The following CPLANE1 variants were observed in gnomAD, a reference collection of about 807,000 sequenced individuals.
The protein encoded by CPLANE1 is ciliogenesis and planar polarity effector complex subunit 1.
In CPLANE1, 263 loss-of-function variants were observed where a neutral mutation model predicts 362.5. The ratio of observed to expected loss-of-function variants is 0.73; its 90% CI spans 0.66 to 0.80. The LOEUF is 0.80. CPLANE1 is among the 30% of genes least tolerant of loss of function. The probability of loss-of-function intolerance (pLI) is 0.00; values close to 1 mark genes in which losing one functional copy is unlikely to be tolerated. For synonymous variants in CPLANE1, 1,212 were observed against 1,302.6 expected (o/e 0.93, Z 1.50); for missense variants, 3,461 against 3,793.4 (o/e 0.91, Z 2.30).
intron 44 of CPLANE1, chr5:37,141,486 G>A (rs1232418061): frequency 5.1e-6 from 5 of 984,240 alleles, no homozygotes; most frequent in Non-Finnish European, 6.0e-6. Context: ...AAACACACAT[G>A]GCATCTAGAA....
At chr5:37,171,356 G>A (rs183123218) in intron 32 of CPLANE1, among the ~76,000 whole-genome samples, 50 of 152,286 alleles carry the variant, frequency 3.3e-4, no homozygotes, top group Middle Eastern at 3.4e-3. Flanking sequence ...GGACTTGAAC[G>A]ACTGCTGATC....
Position 37,224,243 on chromosome 5 carries a change from A to G in CPLANE1, c.2581+10T>C, listed in dbSNP as rs1561655645. ...AATATTATGGCACATATTTTTTAAC[A>G]CTCTCTTACCTTTCTCTTCGATTTC... On this transcript the variant is annotated intron_variant, in intron 14 of 52. Transcript: ENST00000651892. 6.5e-7 allele frequency: 1 copy of G among 1,529,368 alleles called. No homozygotes were observed. The highest frequency in any genetic ancestry group is 1.2e-5 in the South Asian group (1 of 81,588). The allele number at this position is 1,529,368 out of a possible 1,614,324, so 94.7% of individuals were successfully genotyped here. A position where few individuals can be genotyped will look rare whatever the true frequency, so the allele number is the denominator to read the frequency against.
chr5:37,102,638 T>C (rs1757349161), downstream of CPLANE1, among the ~76,000 whole-genome samples: 1 of 152,242 alleles, frequency 6.6e-6, no homozygotes. Context: ...AAATAACTTC[T>C]TGACATCTGC....
At chr5:37,178,613 C>T (rs1347945051) in intron 29 of CPLANE1, among the ~76,000 whole-genome samples, 11 of 140,966 alleles carry the variant, frequency 7.8e-5, no homozygotes, top group Non-Finnish European at 1.4e-4. Context: ...ACCCTCATCT[C>T]GAAAAAAAAA....
rs975282355 is a variant in CPLANE1 at position 37,209,354 on chromosome 5, C to G, written c.2921-2929G>C. The G allele has an allele frequency of 6.1e-6, 6 of 986,198 alleles. No homozygotes were observed. Among genetic ancestry groups the G allele is most frequent in the Non-Finnish European group, 9.8e-6 (6 of 611,510 alleles). 61.1% of individuals were successfully genotyped at this position (986,198 alleles called of 1,614,324 possible). On this transcript the variant is annotated intron_variant, in intron 16 of 52. Coordinates refer to ENST00000651892, the MANE Select transcript of CPLANE1 (RefSeq NM_001384732.1). The surrounding 1 kb of genome is among the most constrained non-coding windows in gnomAD (Gnocchi z 4.6). ...CGAGCGAGGCGGGCTCCGGAGGAAG[C>G]TGACGGCTGATGATGGCTCAGTCCA...
chr5:37,121,565 C>T, intron 49 of CPLANE1, 52 bp downstream of exon 49: 1 of 1,544,576 alleles, frequency 6.5e-7, no homozygotes, highest in Admixed American at 1.7e-5. Flanking sequence ...TACATTTCTT[C>T]TTATCAGGCC....
chr5:37,106,933 C>G lies in CPLANE1; in HGVS notation c.*669G>C, dbSNP rs1381861054. 1 of 985,276 alleles carries G rather than the reference C, an allele frequency of 1.0e-6. No individual in the cohort carries two copies. The highest frequency in any genetic ancestry group is 1.2e-6 in the Non-Finnish European group (1 of 829,902). The allele number at this position is 985,276 out of a possible 1,614,324, so 61.0% of individuals were successfully genotyped here. A position where few individuals can be genotyped will look rare whatever the true frequency, so the allele number is the denominator to read the frequency against. On this transcript the variant is annotated 3_prime_UTR_variant, in exon 53 of 53. Transcript: ENST00000651892. ...TCAGGTCTCTGTACCATGGTTCTTA[C>G]AAATTTAAGATGAGCCTTCTAGAGG...
chr5:37,124,197 T>TTAG (rs1763503257), intron 47 of CPLANE1, among the ~76,000 whole-genome samples: 1 of 152,230 alleles, frequency 6.6e-6, no homozygotes, highest in Non-Finnish European at 1.5e-5. Context: ...CTAAAGAATT[T>TTAG]GTTATCCTAA....
At chr5:37,153,661 T>C (rs1774203267) in intron 42 of CPLANE1, 79 bp downstream of exon 42, 2 of 1,406,548 alleles carry the variant, frequency 1.4e-6, no homozygotes, top group Admixed American at 2.2e-5. Context: ...TTTTGAAAAA[T>C]CAGGTATCCA....
intron 16 of CPLANE1, among the ~76,000 whole-genome samples, chr5:37,208,297 A>C (rs964241266): frequency 1.3e-5 from 2 of 152,208 alleles, no homozygotes; most frequent in Admixed American, 6.5e-5. Context: ...AAACACATCA[A>C]ACTTGTTCTT....
intron 51 of CPLANE1, 54 bp from the exon 52 acceptor site, chr5:37,108,525 A>G: frequency 6.7e-7 from 1 of 1,489,646 alleles, no homozygotes; most frequent in East Asian, 2.3e-5. Flanking sequence ...TCATTCATTC[A>G]TTCATTTGTT....
chr5:37,205,399 G>GA lies in CPLANE1; in HGVS notation c.3204dup (p.Gln1069SerfsTer19), dbSNP rs2150117334. ...CCTAAAACACACTGCAGTTTTTCCT[G>GA]AAAAATCTGTGCTGGAGTCATACGG... On this transcript the variant is annotated frameshift_variant, in exon 18 of 53. Transcript: ENST00000651892. 1.3e-6 allele frequency: 2 copies of GA among 1,550,362 alleles called. No individual in the cohort carries two copies. Among genetic ancestry groups the GA allele is most frequent in the Non-Finnish European group, 1.7e-6 (2 of 1,146,208 alleles).
At chr5:37,224,155 C>T (rs78309160) in intron 14 of CPLANE1, 98 bp downstream of exon 14, 22 of 716,742 alleles carry the variant, frequency 3.1e-5, no homozygotes, top group East Asian at 3.1e-4. Context: ...AATATAATGG[C>T]ACATATTTTT....
chr5:37,116,806 G>A (rs1221868743), intron 50 of CPLANE1, among the ~76,000 whole-genome samples: 1 of 152,196 alleles, frequency 6.6e-6, no homozygotes, highest in African/African-American at 2.4e-5. Flanking sequence ...CCCCACATGT[G>A]CAATGACTGA....
intron 19 of CPLANE1, among the ~76,000 whole-genome samples, chr5:37,201,048 T>C (rs953545876): frequency 6.6e-6 from 1 of 152,168 alleles, no homozygotes; most frequent in South Asian, 2.1e-4. Context: ...GGTCTCAAAC[T>C]CCTTGACTCA....
chr5:37,228,559 T>C lies in CPLANE1; in HGVS notation c.1122-742A>G, dbSNP rs188377529. 8.8e-4 allele frequency among the ~76,000 whole-genome samples: 134 copies of C among 152,234 alleles called. 1 individual carries two copies. The highest frequency in any genetic ancestry group is 1.9e-4 in the Non-Finnish European group (13 of 68,000). ...CTAACATGGAAAGATGTAAAAGATA[T>C]ACTGTGAAATCAAAAATGGAAAATA... On this transcript the variant is annotated intron_variant, in intron 9 of 52. Coordinates refer to ENST00000651892, the MANE Select transcript of CPLANE1 (RefSeq NM_001384732.1).
Position 37,185,073 on chromosome 5 carries a change from TG to T in CPLANE1, c.4195del (p.Gln1399ArgfsTer5), listed in dbSNP as rs1480517199. The T allele has an allele frequency of 1.9e-6, 3 of 1,601,128 alleles. No individual in the cohort carries two copies. The highest frequency in any genetic ancestry group is 2.6e-6 in the Non-Finnish European group (3 of 1,176,140). Reference sequence around the variant, plus strand: ...GACAACAGACATCATTTCCTCAGTCTGGGGTCCTGGAAAGAAAAGAATAAAA... The same window carrying T: ...GACAACAGACATCATTTCCTCAGTCTGGGTCCTGGAAAGAAAAGAATAAAA... ...RLRHCVVKGP[Q>X]TEEMMSVVMH... is the part of the protein sequence containing the mutation. On this transcript the variant is annotated frameshift_variant, in exon 25 of 53. Coordinates refer to ENST00000651892, the MANE Select transcript of CPLANE1 (RefSeq NM_001384732.1).
In CPLANE1 at chr5:37,230,994, T is replaced by C. The variant is rs369404481; in HGVS notation, c.994A>G (p.Met332Val). 1,044 of 1,551,110 alleles carry C rather than the reference T, an allele frequency of 6.7e-4. 2 individuals are homozygous for C. Among genetic ancestry groups the C allele is most frequent in the Non-Finnish European group, 7.4e-4 (852 of 1,146,636 alleles). Residue 332 changes from methionine (M) to valine (V), a missense_variant, in exon 9 of 53, where the codon ATG becomes GTG. Met to Val is a conservative substitution (Grantham distance 21). Coordinates refer to ENST00000651892, the MANE Select transcript of CPLANE1 (RefSeq NM_001384732.1). ...WTHDSLFLAC[M>V]LKRGSLVLLT... ...AAAACCAGAGAGCCACGTTTTAACATACAAGCCAGAAAAAGACTATCATGC... is the reference window on the plus strand; with the variant it reads ...AAAACCAGAGAGCCACGTTTTAACACACAAGCCAGAAAAAGACTATCATGC...
At chr5:37,227,219 A>G (rs533371687) in intron 11 of CPLANE1, 24 bp downstream of exon 11, 1 of 1,545,334 alleles carries the variant, frequency 6.5e-7, no homozygotes, top group African/African-American at 1.4e-5. Flanking sequence ...TGTTCCAAGT[A>G]AATAAAATTC....
Sources: gnomAD v4.1 joint callset for allele counts (sites outside exome capture counted in the v4.1 genomes callset) on GRCh38, gnomAD v4.1.1 for gene constraint, Gnocchi (gnomAD v3.1) non-coding constraint, MANE v1.5 for transcripts, NCBI Gene and HGNC (gene_info 2026-07-23, HGNC 2026-07-21) for gene names.